The following ACTN4 variants were observed in gnomAD, a reference collection of about 807,000 sequenced individuals.
The protein encoded by ACTN4 is alpha-actinin-4.
A neutral mutation model predicts 114.2 loss-of-function variants in ACTN4; 18 were observed. The observed-to-expected ratio is 0.16, with a 90% CI of 0.11 to 0.23. The LOEUF (loss-of-function observed/expected upper bound fraction) is 0.23, where lower values mean the gene tolerates loss of function less well. ACTN4 is among the 10% of genes least tolerant of loss of function. ACTN4 has a pLI of 1.00. For synonymous variants in ACTN4, 515 were observed against 506.3 expected (o/e 1.02, Z -0.23); for missense variants, 722 against 1,262.9 (o/e 0.57, Z 6.49).
chr19:38,688,631 G>A (rs13343794), intron 1 of ACTN4, among the ~76,000 whole-genome samples: 58,255 of 151,520 alleles, frequency 0.38, 12,252 homozygotes, highest in Non-Finnish European at 0.47. Flanking sequence ...GGAGGCTGAG[G>A]TGGGCAGATT....
rs866229317 is a variant in ACTN4, at chr19:38,673,598, C to T, written c.162+25691C>T. On this transcript the variant is annotated intron_variant, in intron 1 of 20. Coordinates refer to ENST00000252699, the MANE Select transcript of ACTN4 (RefSeq NM_004924.6). ...ATATTCATATATATTTATATATATT[C>T]ATATATATTCATTTATATTTATATA... 1.4e-3 allele frequency among the ~76,000 whole-genome samples: 72 copies of T among 49,956 alleles called. 1 individual carries two copies. Among genetic ancestry groups the T allele is most frequent in the African/African-American group, 2.5e-3 (43 of 17,278 alleles). 32.8% of individuals were successfully genotyped at this position (49,956 alleles called of 152,430 possible).
At chr19:38,701,167 T>G in intron 3 of ACTN4, 46 bp downstream of exon 3, 1 of 1,611,698 alleles carries the variant, frequency 6.2e-7, no homozygotes, top group Non-Finnish European at 8.5e-7. Flanking sequence ...GTTTCTGACC[T>G]TTAGGCTCTG....
chr19:38,674,454 C>T (rs1231971198), intron 1 of ACTN4, among the ~76,000 whole-genome samples: 3 of 152,242 alleles, frequency 2.0e-5, no homozygotes, highest in Non-Finnish European at 4.4e-5. Flanking sequence ...GGGTGTACAA[C>T]AGTGAAAAAA....
intron 1 of ACTN4, among the ~76,000 whole-genome samples, chr19:38,687,856 A>G (rs1967796899): frequency 6.6e-6 from 1 of 152,236 alleles, no homozygotes; most frequent in South Asian, 2.1e-4. Context: ...ATATTTACAA[A>G]TTGTATATCT....
rs550826259 is a variant in ACTN4 at position 38,678,422 on chromosome 19, G to A, written c.163-22178G>A. ...CCTTCCTGCAGCTGGGTTTACTATG[G>A]TGCTGTGTTCTGGGACAGCCCACTC... is the stretch of plus-strand genomic sequence containing the variant. On this transcript the variant is annotated intron_variant, in intron 1 of 20. Transcript: ENST00000252699. 4.6e-5 allele frequency among the ~76,000 whole-genome samples: 7 copies of A among 152,288 alleles called. No individual in the cohort carries two copies. In the East Asian group the frequency reaches 1.3e-3, roughly 29 times the overall value.
rs923351280 is a variant in ACTN4 at position 38,730,715 on chromosome 19, C to T, written c.*1283C>T. 6.4e-6 allele frequency: 7 copies of T among 1,093,884 alleles called. No homozygotes were observed. Among genetic ancestry groups the T allele is most frequent in the East Asian group, 5.2e-5 (2 of 38,762 alleles). 67.8% of individuals were successfully genotyped at this position (1,093,884 alleles called of 1,614,324 possible). A position where few individuals can be genotyped will look rare whatever the true frequency, so the allele number is the denominator to read the frequency against. On this transcript the variant is annotated 3_prime_UTR_variant, in exon 21 of 21. Transcript: ENST00000252699. ...ACGCAGGCCAGAGTGGTCACCCGGC[C>T]GTGAGCAGTGAGGGCCAGAGACTAG...
chr19:38,650,192 G>A (rs1976517357), intron 1 of ACTN4, among the ~76,000 whole-genome samples: 1 of 152,032 alleles, frequency 6.6e-6, no homozygotes, highest in African/African-American at 2.4e-5. Flanking sequence ...TTTCTCAGGT[G>A]ATAAGGGTGG....
chr19:38,713,654 C>T (rs979284422), intron 8 of ACTN4, among the ~76,000 whole-genome samples: 2 of 152,236 alleles, frequency 1.3e-5, no homozygotes, highest in African/African-American at 2.4e-5. Flanking sequence ...GCCTGCAGCA[C>T]TGGCTCTGAG....
chr19:38,686,639 T>TG (rs1967752391), intron 1 of ACTN4, among the ~76,000 whole-genome samples: 1 of 152,264 alleles, frequency 6.6e-6, no homozygotes, highest in African/African-American at 2.4e-5. Context: ...AAGCTCTGCC[T>TG]GGAGGGCTGA....
intron 1 of ACTN4, among the ~76,000 whole-genome samples, chr19:38,676,881 A>G (rs1213056633): frequency 3.3e-5 from 5 of 152,066 alleles, no homozygotes; most frequent in African/African-American, 7.2e-5. Context: ...ACTCCCATCT[A>G]TTCTTCACAT....
intron 13 of ACTN4, 84 bp from the exon 14 acceptor site, chr19:38,723,853 C>T: frequency 1.3e-6 from 2 of 1,522,536 alleles, no homozygotes; most frequent in South Asian, 2.3e-5. Flanking sequence ...CTCCTCAGGG[C>T]CCTCTGGACC....
intron 1 of ACTN4, among the ~76,000 whole-genome samples, chr19:38,650,280 C>T (rs1001693841): frequency 2.0e-5 from 3 of 152,100 alleles, no homozygotes; most frequent in Non-Finnish European, 4.4e-5. Flanking sequence ...GTTTCACTCC[C>T]TCCCGAGAGT....
chr19:38,698,660 G>A (rs866623587), intron 1 of ACTN4, among the ~76,000 whole-genome samples: 1 of 152,196 alleles, frequency 6.6e-6, no homozygotes, highest in African/African-American at 2.4e-5. Context: ...ATGGCGGGGC[G>A]GAGGTATCTT....
rs1968526207 is a variant in ACTN4 at position 38,708,263 on chromosome 19, C to T, written c.651+68C>T. The stretch of plus-strand genomic sequence containing the variant: ...TGTCTGACCCCCTAACTCCGGGTCA[C>T]CATCCCCATGCCCTTCCATCGCCAG... On this transcript the variant is annotated intron_variant, in intron 6 of 20. Transcript: ENST00000252699. The T allele has an allele frequency of 6.6e-6, 10 of 1,515,014 alleles. No homozygotes were observed. The Admixed American group carries it at 1.3e-4, about 20-fold the overall frequency. The allele number at this position is 1,515,014 out of a possible 1,614,324, so 93.8% of individuals were successfully genotyped here.
chr19:38,714,649 G>A (rs921140326), intron 9 of ACTN4, 88 bp downstream of exon 9: 10 of 1,366,812 alleles, frequency 7.3e-6, no homozygotes, highest in Admixed American at 1.8e-5. Context: ...AGCAGGTGTG[G>A]CAGCGAGATG....
Position 38,730,208 on chromosome 19 carries a change from TTTA to T in ACTN4, c.*780_*782del, listed in dbSNP as rs957111552. 3.8e-5 allele frequency: 6 copies of T among 157,106 alleles called. No homozygotes were observed. The highest frequency in any genetic ancestry group is 9.7e-5 in the African/African-American group (4 of 41,384). 9.7% of individuals were successfully genotyped at this position (157,106 alleles called of 1,614,324 possible). ...AAACTTTCAGAGAATTACTATTTAC[TTTA>T]TTAACTTACGGATTTATTATATAAA... On this transcript the variant is annotated 3_prime_UTR_variant, in exon 21 of 21. Coordinates refer to ENST00000252699, the MANE Select transcript of ACTN4 (RefSeq NM_004924.6).
At position 38,730,988 on chromosome 19, in the gene ACTN4, C is replaced by T. The variant is rs1208130274; in HGVS notation, c.*1556C>T. 9.7e-6 allele frequency: 15 copies of T among 1,551,326 alleles called. No individual in the cohort carries two copies. The highest frequency in any genetic ancestry group is 1.2e-5 in the Non-Finnish European group (14 of 1,147,428). On this transcript the variant is annotated 3_prime_UTR_variant, in exon 21 of 21. Coordinates refer to ENST00000252699, the MANE Select transcript of ACTN4 (RefSeq NM_004924.6). ...ACCTGTCTGTGGGTCAGGCAGATGA[C>T]CCCCTCACCCCCATCCAGGTGCTGG...
chr19:38,725,944 G>T (rs767809231), intron 17 of ACTN4, 41 bp downstream of exon 17: 11 of 1,610,152 alleles, frequency 6.8e-6, no homozygotes, highest in Middle Eastern at 2.0e-4. Flanking sequence ...CACCAGCATG[G>T]CCGGCTTCCT....
At chr19:38,674,991 T>C (rs1216169761) in intron 1 of ACTN4, among the ~76,000 whole-genome samples, 1 of 152,182 alleles carries the variant, frequency 6.6e-6, no homozygotes, top group Non-Finnish European at 1.5e-5. Flanking sequence ...CTGAATGACG[T>C]ATCTGGGGGA....
Sources: allele counts gnomAD v4.1 joint callset (sites outside exome capture counted in the v4.1 genomes callset), GRCh38; gene constraint gnomAD v4.1.1; transcripts MANE v1.5; gene names NCBI Gene and HGNC (gene_info 2026-07-23, HGNC 2026-07-21).